Variants in PCDH15 observed in about 807,000 individuals in gnomAD.
PCDH15 encodes the protein protocadherin related 15.
PCDH15 carries 129 observed loss-of-function variants against 178.5 expected under a neutral mutation model. The observed-to-expected ratio is 0.72, with a 90% CI of 0.63 to 0.84. PCDH15 has a LOEUF of 0.84. Ranked by LOEUF, PCDH15 falls within the 40% of genes least tolerant of loss-of-function variation. The probability of loss-of-function intolerance (pLI) is 0.00; values close to 1 mark genes in which losing one functional copy is unlikely to be tolerated. For missense variants in PCDH15, 2,230 were observed against 2,099.9 expected, an observed-to-expected ratio of 1.06 and a Z score of -1.21; for synonymous variants, 800 against 732.0, an observed-to-expected ratio of 1.09 and a Z score of -1.50.
At chr10:55,229,473 G>C (rs1841149798) in intron 1 of PCDH15, among the ~76,000 whole-genome samples, 2 of 151,612 alleles carry the variant, frequency 1.3e-5, no homozygotes, top group Admixed American at 1.3e-4. Flanking sequence ...AATGTAAATT[G>C]CAAATTTCTC....
At chr10:55,275,249 T>C (rs1220618109) in intron 1 of PCDH15, among the ~76,000 whole-genome samples, 5 of 152,112 alleles carry the variant, frequency 3.3e-5, no homozygotes, top group Non-Finnish European at 7.4e-5. Context: ...ATCATAACTT[T>C]TGCTAATGTC....
chr10:55,520,301 ATATATATATATATACATGCAATGTG>A lies in PCDH15; in HGVS notation c.-156+107299_-156+107323del, dbSNP rs1462242258. 1.7e-3 allele frequency among the ~76,000 whole-genome samples: 80 copies of A among 47,054 alleles called. 5 individuals carry two copies. Among genetic ancestry groups the A allele is most frequent in the Non-Finnish European group, 1.8e-3 (42 of 23,020 alleles). 30.9% of individuals were successfully genotyped at this position (47,054 alleles called of 152,430 possible). On this transcript the variant is annotated intron_variant, in intron 2 of 5. Coordinates refer to the PCDH15 transcript ENST00000613346. ...GTATATATATATACACGCAATATGTATATATATATATATACATGCAATGTGTATATATATATATATATATATATAC... is the reference window on the plus strand; with the variant it reads ...GTATATATATATACACGCAATATGTATATATATATATATATATATATATAC...
At chr10:54,474,877 T>C (rs1460905132) in intron 3 of PCDH15, among the ~76,000 whole-genome samples, 2 of 151,966 alleles carry the variant, frequency 1.3e-5, no homozygotes, top group African/African-American at 4.8e-5. Context: ...TTACAGATTA[T>C]ATCAATACAA....
At chr10:54,366,499 T>C (rs532011053) in intron 5 of PCDH15, among the ~76,000 whole-genome samples, 2 of 152,158 alleles carry the variant, frequency 1.3e-5, no homozygotes, top group Admixed American at 6.6e-5. Context: ...CATACACATA[T>C]ATAGTATGTA....
At chr10:53,960,901 A>G (rs2088230446) in intron 22 of PCDH15, among the ~76,000 whole-genome samples, 1 of 152,188 alleles carries the variant, frequency 6.6e-6, no homozygotes, top group Non-Finnish European at 1.5e-5. Context: ...TTAAAAATGG[A>G]AATGTTCAAA....
chr10:54,681,603 T>A (rs2094900160), intron 1 of PCDH15, among the ~76,000 whole-genome samples: 1 of 152,166 alleles, frequency 6.6e-6, no homozygotes, highest in Admixed American at 6.5e-5. Flanking sequence ...AAGTCACTGA[T>A]GCCCTTGAGA....
intron 2 of PCDH15, among the ~76,000 whole-genome samples, chr10:55,567,980 A>C (rs947478204): frequency 6.6e-6 from 1 of 152,048 alleles, no homozygotes; most frequent in Non-Finnish European, 1.5e-5. Context: ...AATAAATATA[A>C]AATGGTAAAA....
intron 17 of PCDH15, among the ~76,000 whole-genome samples, chr10:54,076,515 C>A (rs961771057): frequency 2.0e-5 from 3 of 151,644 alleles, no homozygotes; most frequent in African/African-American, 7.3e-5. Context: ...TGGTGAGGAC[C>A]TCTGATACTA....
chr10:54,931,960 A>AC (rs1280080191), intron 2 of PCDH15, among the ~76,000 whole-genome samples: 7 of 152,200 alleles, frequency 4.6e-5, no homozygotes, highest in African/African-American at 1.7e-4. Context: ...CTCTGCTTTC[A>AC]CACTCCACTT....
intron 2 of PCDH15, among the ~76,000 whole-genome samples, chr10:55,461,768 G>C (rs1839683952): frequency 6.6e-6 from 1 of 152,046 alleles, no homozygotes; most frequent in Middle Eastern, 3.4e-3. Flanking sequence ...ATTTTCAATG[G>C]CTTCTAGGAC....
intron 1 of PCDH15, among the ~76,000 whole-genome samples, chr10:55,241,164 C>T (rs1178163370): frequency 4.6e-5 from 7 of 151,984 alleles, no homozygotes; most frequent in African/African-American, 1.4e-4. Context: ...TGCAGTGAGC[C>T]GAGATCGTGC....
chr10:54,098,637 A>G (rs1302080238), intron 15 of PCDH15, among the ~76,000 whole-genome samples: 1 of 152,184 alleles, frequency 6.6e-6, no homozygotes, highest in East Asian at 1.9e-4. Flanking sequence ...AGGCCTCTGA[A>G]AGGACAAATC....
chr10:54,961,723 G>A (rs1001623186), intron 2 of PCDH15, among the ~76,000 whole-genome samples: 2 of 151,770 alleles, frequency 1.3e-5, no homozygotes, highest in African/African-American at 4.8e-5. Context: ...GGTCTCCTCT[G>A]TACTCTTTGG....
chr10:55,498,841 G>T (rs1253354250), intron 2 of PCDH15, among the ~76,000 whole-genome samples: 1 of 151,754 alleles, frequency 6.6e-6, no homozygotes, highest in Non-Finnish European at 1.5e-5. Flanking sequence ...TACAGAACGG[G>T]ATGCAGATGT....
chr10:53,886,378 T>G (rs2081093669), intron 26 of PCDH15, among the ~76,000 whole-genome samples: 1 of 152,180 alleles, frequency 6.6e-6, no homozygotes, highest in African/African-American at 2.4e-5. Flanking sequence ...GGAAAACGGT[T>G]AGACTTAAAT....
intron 2 of PCDH15, among the ~76,000 whole-genome samples, chr10:55,073,106 A>G (rs1841795095): frequency 6.6e-6 from 1 of 152,134 alleles, no homozygotes; most frequent in African/African-American, 2.4e-5. Flanking sequence ...TCTCAAAATA[A>G]TAAGAGCTAT....
At chr10:54,915,230 T>C (rs1177187287) in intron 2 of PCDH15, among the ~76,000 whole-genome samples, 1 of 152,240 alleles carries the variant, frequency 6.6e-6, no homozygotes, top group Non-Finnish European at 1.5e-5. Context: ...TCTGATGATA[T>C]GTGTGCCACA....
At chr10:55,226,151 T>G (rs1841031637) in intron 1 of PCDH15, among the ~76,000 whole-genome samples, 1 of 152,098 alleles carries the variant, frequency 6.6e-6, no homozygotes, top group African/African-American at 2.4e-5. Context: ...AATCAGCTTT[T>G]TATTATCACA....
At chr10:54,979,048 A>G (rs1486347366) in intron 2 of PCDH15, among the ~76,000 whole-genome samples, 1 of 152,172 alleles carries the variant, frequency 6.6e-6, no homozygotes, top group African/African-American at 2.4e-5. Context: ...TTATTTATCA[A>G]TTTTATAGGT....
Sources: gnomAD v4.1 joint callset for allele counts (sites outside exome capture counted in the v4.1 genomes callset) on GRCh38, gnomAD v4.1.1 for gene constraint, MANE v1.5 for transcripts, NCBI Gene and HGNC (gene_info 2026-07-23, HGNC 2026-07-21) for gene names.